Variants in NSUN7 observed in about 807,000 individuals in gnomAD.
NSUN7 encodes protein NSUN7.
In NSUN7, 39 loss-of-function variants were observed where a neutral mutation model predicts 58.5. The observed-to-expected ratio is 0.67, with a 90% CI of 0.52 to 0.87. The LOEUF (loss-of-function observed/expected upper bound fraction) is 0.87. Among genes scored for constraint, NSUN7 ranks in the 40% least tolerant of loss-of-function variants. The pLI, the probability that NSUN7 is intolerant of heterozygous loss-of-function variation, is 0.00. For missense variants in NSUN7, 765 were observed against 844.1 expected (o/e 0.91, Z 1.16); for synonymous variants, 278 against 303.7 (o/e 0.92, Z 0.88).
chr4:40,760,415 C>T lies in NSUN7; in HGVS notation c.299-19C>T. The T allele has an allele frequency of 1.9e-6, 3 of 1,597,346 alleles. No homozygotes were observed. The highest frequency in any genetic ancestry group is 1.1e-5 in the South Asian group (1 of 88,946). ...TCCGCTTTGTATTTTCAGTAACAGG[C>T]CTTTCCCTTGTTTTGCAGATCAAGA... On this transcript the variant is annotated intron_variant, in intron 2 of 11. Transcript: ENST00000381782.
In NSUN7 at chr4:40,782,921, G is replaced by A. The variant is rs143119746; in HGVS notation, c.1036+6662G>A. On this transcript the variant is annotated intron_variant, in intron 7 of 11. Transcript: ENST00000381782. ...CATAAACAAATGGAAAATATTCCAC[G>A]TTTAAGGATCAGAACACTCAATATT... Among the ~76,000 whole-genome samples the A allele has an allele frequency of 3.4e-3, 515 of 152,214 alleles. 2 individuals carry two copies. The highest frequency in any genetic ancestry group is 0.011 in the African/African-American group (474 of 41,548).
At chr4:40,780,612 A>C (rs1485807347) in intron 7 of NSUN7, among the ~76,000 whole-genome samples, 3 of 151,734 alleles carry the variant, frequency 2.0e-5, no homozygotes, top group African/African-American at 2.4e-5. Context: ...GTCTCAAAAA[A>C]AGAAAAAAAA....
At chr4:40,765,903 A>G (rs550201330) in intron 4 of NSUN7, among the ~76,000 whole-genome samples, 76 of 152,288 alleles carry the variant, frequency 5.0e-4, no homozygotes, top group Non-Finnish European at 9.8e-4. Context: ...GTTGTATAAG[A>G]ATGCTTGTGA....
Position 40,809,053 on chromosome 4 carries a change from G to A in NSUN7, c.*114G>A, listed in dbSNP as rs370949026. 10 of 1,106,296 alleles carry A rather than the reference G, an allele frequency of 9.0e-6. No individual in the cohort carries two copies. The African/African-American group carries it at 1.4e-4, about 16-fold the overall frequency. The allele number at this position is 1,106,296 out of a possible 1,614,324, so 68.5% of individuals were successfully genotyped here. A position where few individuals can be genotyped will look rare whatever the true frequency, so the allele number is the denominator to read the frequency against. ...GATATTCATTCTTTTGGTCACCTAG[G>A]GATCTTCTAAGTGTGATATTACTTT... is the stretch of plus-strand genomic sequence containing the variant. On this transcript the variant is annotated 3_prime_UTR_variant, in exon 12 of 12. Coordinates refer to ENST00000381782, the MANE Select transcript of NSUN7 (RefSeq NM_024677.6).
At position 40,761,260 on chromosome 4, in the gene NSUN7, G is replaced by A; in HGVS notation, c.447G>A (p.Glu149=). The change falls in exon 4 of 12, where the codon GAG becomes GAA. Residue 149 remains glutamate (E), a synonymous_variant. Coordinates refer to ENST00000381782, the MANE Select transcript of NSUN7 (RefSeq NM_024677.6). Reference sequence around the variant, plus strand: ...CTCGTGTCCTTTCTGATAATGAAGAGCCCATATCAGAAGTTCAAGAAGTAG... The same window carrying A: ...CTCGTGTCCTTTCTGATAATGAAGAACCCATATCAGAAGTTCAAGAAGTAG... ...FQTRVLSDNE[E]PISEVQEVEN... The A allele has an allele frequency of 6.3e-7, 1 of 1,596,054 alleles. No homozygotes were observed. Among genetic ancestry groups the A allele is most frequent in the East Asian group, 2.3e-5 (1 of 44,416 alleles).
chr4:40,768,242 C>T (rs1251687195), intron 4 of NSUN7, among the ~76,000 whole-genome samples: 7 of 150,110 alleles, frequency 4.7e-5, no homozygotes, highest in African/African-American at 1.7e-4. Flanking sequence ...TGCTCTGTCG[C>T]CCATGCTGGA....
At position 40,756,225 on chromosome 4, in the gene NSUN7, G is replaced by A. The variant is rs573224442; in HGVS notation, c.299-4209G>A. ...CAGGCCTGCTGAGCAGGAAGAGGGC[G>A]AGAGATACCCCAGTTCCTTCTTCCA... On this transcript the variant is annotated intron_variant, in intron 2 of 11. Coordinates refer to ENST00000381782, the MANE Select transcript of NSUN7 (RefSeq NM_024677.6). 6.6e-5 allele frequency among the ~76,000 whole-genome samples: 10 copies of A among 152,332 alleles called. No homozygotes were observed. The East Asian group carries it at 1.2e-3, about 18-fold the overall frequency.
At chr4:40,793,130 T>A (rs1320755962) in intron 8 of NSUN7, among the ~76,000 whole-genome samples, 1 of 152,056 alleles carries the variant, frequency 6.6e-6, no homozygotes, top group Non-Finnish European at 1.5e-5. Context: ...ATGGATAGTT[T>A]TAGAACAGAG....
rs1186837432 is a variant in NSUN7, at chr4:40,750,097, C to G, written c.-295C>G. On this transcript the variant is annotated 5_prime_UTR_variant, in exon 1 of 12. Coordinates refer to ENST00000381782, the MANE Select transcript of NSUN7 (RefSeq NM_024677.6). ...AGGCGAGGCCCCGAGGCGCCCACCA[C>G]TTCACGACACCGGAGCGAACCGGGC... The G allele has an allele frequency of 6.6e-6, 1 of 152,496 alleles. No homozygotes were observed. The highest frequency in any genetic ancestry group is 2.4e-5 in the African/African-American group (1 of 41,460). The allele number at this position is 152,496 out of a possible 1,614,324, so 9.4% of individuals were successfully genotyped here. A position where few individuals can be genotyped will look rare whatever the true frequency, so the allele number is the denominator to read the frequency against.
At chr4:40,751,303 G>T (rs909934344) in intron 2 of NSUN7, among the ~76,000 whole-genome samples, 3 of 149,950 alleles carry the variant, frequency 2.0e-5, no homozygotes, top group African/African-American at 2.5e-5. Flanking sequence ...TTTTTCCCTC[G>T]TAGACTTAGG....
In NSUN7 at chr4:40,750,009, AC is replaced by A. The variant is rs1378245674; in HGVS notation, c.-379del. 1 of 152,036 alleles carries A rather than the reference AC, an allele frequency of 6.6e-6. No individual in the cohort carries two copies. Among genetic ancestry groups the A allele is most frequent in the East Asian group, 1.9e-4 (1 of 5,186 alleles). 9.4% of individuals were successfully genotyped at this position (152,036 alleles called of 1,614,324 possible). A position where few individuals can be genotyped will look rare whatever the true frequency, so the allele number is the denominator to read the frequency against. ...GCTTTCCTCGGCCTGAGCCAGCCAGACCCCGGGCACCGCGCTCACCCCTCTT... is the reference window on the plus strand; with the variant it reads ...GCTTTCCTCGGCCTGAGCCAGCCAGACCCGGGCACCGCGCTCACCCCTCTT... On this transcript the variant is annotated 5_prime_UTR_variant, in exon 1 of 12. Coordinates refer to ENST00000381782, the MANE Select transcript of NSUN7 (RefSeq NM_024677.6).
chr4:40,773,504 G>A (rs908597732), intron 4 of NSUN7, among the ~76,000 whole-genome samples: 3 of 151,886 alleles, frequency 2.0e-5, no homozygotes, highest in African/African-American at 7.3e-5. Context: ...CCAACATGGC[G>A]AAACCCCATC....
chr4:40,804,478 G>C (rs1743735938), intron 10 of NSUN7, among the ~76,000 whole-genome samples: 1 of 151,270 alleles, frequency 6.6e-6, no homozygotes, highest in Non-Finnish European at 1.5e-5. Context: ...CTAGTTTTAT[G>C]AAAAGCCTTT....
intron 8 of NSUN7, among the ~76,000 whole-genome samples, chr4:40,791,249 AAATG>A (rs1743061990): frequency 6.6e-6 from 1 of 152,242 alleles, no homozygotes; most frequent in South Asian, 2.1e-4. Flanking sequence ...ATGCTTTATG[AAATG>A]AATGTCTCAG....
At chr4:40,767,883 T>G (rs1741810260) in intron 4 of NSUN7, among the ~76,000 whole-genome samples, 1 of 152,222 alleles carries the variant, frequency 6.6e-6, no homozygotes, top group Non-Finnish European at 1.5e-5. Context: ...AAGGCCCTAC[T>G]GTTGTACCCC....
chr4:40,753,644 G>C (rs1740948945), intron 2 of NSUN7, among the ~76,000 whole-genome samples: 2 of 152,056 alleles, frequency 1.3e-5, no homozygotes, highest in African/African-American at 4.8e-5. Context: ...CAAATTATAA[G>C]GTAAGATGGT....
At chr4:40,773,730 T>C (rs1055601575) in intron 4 of NSUN7, among the ~76,000 whole-genome samples, 4 of 152,008 alleles carry the variant, frequency 2.6e-5, no homozygotes, top group African/African-American at 9.7e-5. Flanking sequence ...AATACAATAG[T>C]TAAGAAATTG....
In NSUN7 at chr4:40,750,715, C is replaced by G. The variant is rs1279635770; in HGVS notation, c.22C>G (p.Leu8Val). 17 of 1,613,622 alleles carry G rather than the reference C, an allele frequency of 1.1e-5. No homozygotes were observed. The highest frequency in any genetic ancestry group is 1.4e-5 in the Non-Finnish European group (17 of 1,179,766). The change falls in exon 2 of 12, where the codon CTG becomes GTG. Residue 8 changes from leucine (L) to valine (V), a missense_variant. Physicochemically the swap from Leu to Val is conservative, Grantham distance 32. Transcript: ENST00000381782. MLNSTGE[L>V]EFSNEEDPEI... Reference sequence around the variant, plus strand: ...AGACATGCTGAATTCCACGGGCGAACTGGAGTTTTCGAACGAAGAAGATCC... The same window carrying G: ...AGACATGCTGAATTCCACGGGCGAAGTGGAGTTTTCGAACGAAGAAGATCC...
chr4:40,776,234 C>T lies in NSUN7; in HGVS notation c.1011C>T (p.Thr337=). 6.2e-7 allele frequency: 1 copy of T among 1,601,824 alleles called. No individual in the cohort carries two copies. The highest frequency in any genetic ancestry group is 8.5e-7 in the Non-Finnish European group (1 of 1,175,132). ...AAGCTAAGGATCCTGACTTGAAGAC[C>T]CTTTTCACAAAAATAGGATGTAAAA... The part of the protein sequence containing the change: ...QSQAKDPDLK[T]LFTKIGCKNI... Residue 337 remains threonine (T), a synonymous_variant, in exon 7 of 12, where the codon ACC becomes ACT. Transcript: ENST00000381782.
Sources: allele counts gnomAD v4.1 joint callset (sites outside exome capture counted in the v4.1 genomes callset), GRCh38; gene constraint gnomAD v4.1.1; transcripts MANE v1.5; gene names NCBI Gene and HGNC (gene_info 2026-07-23, HGNC 2026-07-21).